The following PFKFB4 variants were observed in gnomAD, a reference collection of about 807,000 sequenced individuals.
PFKFB4 encodes 6-phosphofructo-2-kinase/fructose-2,6-biphosphatase 4.
In PFKFB4, 42 loss-of-function variants were observed where a neutral mutation model predicts 62.8. That is an observed-to-expected ratio of 0.67 (90% CI 0.52 to 0.86). PFKFB4 has a LOEUF of 0.86. Ranked by LOEUF, PFKFB4 falls within the 40% of genes least tolerant of loss-of-function variation. The pLI is 0.00. For synonymous variants in PFKFB4, 204 were observed against 240.7 expected (o/e 0.85, Z 1.41); for missense variants, 475 against 627.2 (o/e 0.76, Z 2.59).
chr3:48,539,890 A>G (rs2042747884), intron 4 of PFKFB4, 119 bp from the exon 5 acceptor site: 2 of 782,254 alleles, frequency 2.6e-6, no homozygotes, highest in Non-Finnish European at 4.3e-6. Flanking sequence ...GATTTCTCAT[A>G]AGGACCAGCT....
In PFKFB4 at chr3:48,519,095, C is replaced by T. The variant is rs2042007046; in HGVS notation, c.*652G>A. 2.0e-5 allele frequency: 3 copies of T among 152,270 alleles called. No individual in the cohort carries two copies. Among genetic ancestry groups the T allele is most frequent in the African/African-American group, 7.2e-5 (3 of 41,458 alleles). 9.4% of individuals were successfully genotyped at this position (152,270 alleles called of 1,614,324 possible). The stretch of plus-strand genomic sequence containing the variant: ...CCTGCCCTCACGTTTCTGTGCATCC[C>T]AATGTGCTGAAGCAAGCGCATTGCT... On this transcript the variant is annotated 3_prime_UTR_variant, in exon 14 of 14. Coordinates refer to ENST00000232375, the MANE Select transcript of PFKFB4 (RefSeq NM_004567.4).
chr3:48,543,469 G>A (rs2042858608), intron 4 of PFKFB4, 111 bp downstream of exon 4: 1 of 981,956 alleles, frequency 1.0e-6, no homozygotes, highest in South Asian at 1.4e-5. Context: ...ACCCAGAGCA[G>A]CTGGGGCACA....
intron 4 of PFKFB4, 137 bp from the exon 5 acceptor site, chr3:48,539,908 G>T: frequency 1.4e-6 from 1 of 693,380 alleles, no homozygotes; most frequent in Non-Finnish European, 2.5e-6. Flanking sequence ...GCTGCTGCCA[G>T]GTCCACCTGC....
Position 48,522,001 on chromosome 3 carries a change from G to A in PFKFB4, c.1335C>T (p.His445=). The A allele has an allele frequency of 6.2e-7, 1 of 1,614,122 alleles. No individual in the cohort carries two copies. Among genetic ancestry groups the A allele is most frequent in the African/African-American group, 1.3e-5 (1 of 75,062 alleles). The part of the protein sequence containing the change: ...IFLNVAAVNT[H]RDRPQNVDIS... ...CCATTGCTACCTGAGGCCTGTCCCG[G>A]TGCGTGTTCACAGCAGCCACGTTCA... is the stretch of plus-strand genomic sequence containing the variant. The change falls in exon 13 of 14, where the codon CAC becomes CAT. Residue 445 remains histidine (H), a synonymous_variant. Coordinates refer to ENST00000232375, the MANE Select transcript of PFKFB4 (RefSeq NM_004567.4).
At chr3:48,528,284 T>C (rs935739008) in intron 9 of PFKFB4, among the ~76,000 whole-genome samples, 3 of 152,258 alleles carry the variant, frequency 2.0e-5, no homozygotes, top group African/African-American at 7.2e-5. Context: ...TGGCAGTTTC[T>C]GAAAAGGTTG....
intron 4 of PFKFB4, among the ~76,000 whole-genome samples, chr3:48,542,037 C>CA (rs1009068558): frequency 3.6e-4 from 54 of 151,624 alleles, no homozygotes; most frequent in African/African-American, 1.0e-3. Flanking sequence ...AACAAACAAC[C>CA]AAAAAAAACA....
In PFKFB4 at chr3:48,536,337, G is replaced by A; in HGVS notation, c.759C>T (p.Tyr253=). 1.2e-6 allele frequency: 2 copies of A among 1,614,230 alleles called. No individual in the cohort carries two copies. Among genetic ancestry groups the A allele is most frequent in the Non-Finnish European group, 1.7e-6 (2 of 1,180,034 alleles). The part of the protein sequence containing the change: ...MNIHVTPRSI[Y]LCRHGESELN... ...GCTCGCTCTCCCCGTGCCGGCAGAG[G>A]TAGATGGAGCGGGGGGTCACGTGGA... The change falls in exon 8 of 14, where the codon TAC becomes TAT. Residue 253 remains tyrosine (Y), a synonymous_variant. Coordinates refer to ENST00000232375, the MANE Select transcript of PFKFB4 (RefSeq NM_004567.4).
At chr3:48,525,731 G>T in intron 9 of PFKFB4, 62 bp from the exon 10 acceptor site, 1 of 846,910 alleles carries the variant, frequency 1.2e-6, no homozygotes. Flanking sequence ...TTGGGGACAT[G>T]TGGGGTGAGG....
At chr3:48,532,612 A>T (rs1254777467) in intron 9 of PFKFB4, among the ~76,000 whole-genome samples, 2 of 152,206 alleles carry the variant, frequency 1.3e-5, no homozygotes, top group Non-Finnish European at 1.5e-5. Flanking sequence ...GCACTTTGAG[A>T]GGCCAAAGTG....
rs201390935 is a variant in PFKFB4, at chr3:48,523,631, C to G, written c.1223-32G>C. 430 of 1,614,084 alleles carry G rather than the reference C, an allele frequency of 2.7e-4. 2 individuals carry two copies. The South Asian group carries it at 3.6e-3, about 14-fold the overall frequency. On this transcript the variant is annotated intron_variant, in intron 11 of 13. Transcript: ENST00000232375. ...ACACAGAGGGGGATGGCTAGCACAC[C>G]AGAAATGCCTGGTGACAGTGCCTAC...
At chr3:48,539,159 C>T (rs1057385141) in intron 6 of PFKFB4, 95 bp downstream of exon 6, 5 of 927,652 alleles carry the variant, frequency 5.4e-6, no homozygotes, top group South Asian at 2.7e-5. Flanking sequence ...TCCCTACCCC[C>T]ACAAGGTTCA....
Position 48,536,434 on chromosome 3 carries a change from A to T in PFKFB4, c.662T>A (p.Val221Glu). The T allele has an allele frequency of 1.2e-6, 2 of 1,614,006 alleles. No homozygotes were observed. Among genetic ancestry groups the T allele is most frequent in the Non-Finnish European group, 1.7e-6 (2 of 1,179,824 alleles). Residue 221 changes from valine to glutamate, a missense_variant, in exon 8 of 14, where the codon GTG becomes GAG. Val to Glu is a moderately radical substitution (Grantham distance 121, BLOSUM62 -2). Transcript: ENST00000232375. Reference protein sequence around the residue: ...RDLSYIKIMDVGQSYVVNRVA... With the variant: ...RDLSYIKIMDEGQSYVVNRVA... Reference sequence around the variant, plus strand: ...ACGGTTCACCACGTAGCTCTGGCCCACATCCATGATCTTGATATAGGACAG... The same window carrying T: ...ACGGTTCACCACGTAGCTCTGGCCCTCATCCATGATCTTGATATAGGACAG...
At chr3:48,535,435 G>A (rs1009831011) in intron 9 of PFKFB4, 77 bp downstream of exon 9, 163 of 1,288,194 alleles carry the variant, frequency 1.3e-4, no homozygotes, top group Non-Finnish European at 1.7e-4. Context: ...GGGGAGCAAT[G>A]GTCACTGTTG....
chr3:48,539,714 C>A lies in PFKFB4; in HGVS notation c.436G>T (p.Glu146Ter). ...ERRATIFNFGEQNGYKTFFVE... is the reference protein window; with the variant it reads ...ERRATIFNFG ...GGCCTCACCTTGTAGCCATTCTGTT[C>A]TCCAAAATTAAAGATGGTCGCTCTC... The change falls in exon 5 of 14, where the codon GAA becomes TAA. Residue 146 changes from glutamate to a stop codon, truncating the protein, a stop_gained. Transcript: ENST00000232375. LOFTEE classifies it high-confidence loss of function. 1 of 1,614,096 alleles carries A rather than the reference C, an allele frequency of 6.2e-7. No individual in the cohort carries two copies. The highest frequency in any genetic ancestry group is 8.5e-7 in the Non-Finnish European group (1 of 1,179,942).
chr3:48,523,540 A>G lies in PFKFB4; in HGVS notation c.1282T>C (p.Tyr428His), dbSNP rs1012029689. 9.9e-6 allele frequency: 16 copies of G among 1,613,804 alleles called. No individual in the cohort carries two copies. Among genetic ancestry groups the G allele is most frequent in the Non-Finnish European group, 1.2e-5 (14 of 1,179,870 alleles). The change falls in exon 12 of 14, where the codon TAT becomes CAT. Residue 428 changes from tyrosine (Y) to histidine (H), a missense_variant. Physicochemically the swap from Tyr to His is moderately conservative, Grantham distance 83. Coordinates refer to ENST00000232375, the MANE Select transcript of PFKFB4 (RefSeq NM_004567.4). Reference sequence around the variant, plus strand: ...AATGTGCAGGAAGCTTCCTTACCATATGCCACAGGAGTCAGCTTCAGGACT... The same window carrying G: ...AATGTGCAGGAAGCTTCCTTACCATGTGCCACAGGAGTCAGCTTCAGGACT... ...HTVLKLTPVA[Y>H]GCKVESIFLN...
upstream of PFKFB4, chr3:48,559,689 C>CAT (rs10656400): frequency 0.014 from 6,129 of 440,680 alleles, 304 homozygotes; most frequent in African/African-American, 0.11. Context: ...TCTGTACACA[C>CAT]GTGTGAACAT....
intron 9 of PFKFB4, among the ~76,000 whole-genome samples, chr3:48,531,908 C>A (rs2042439998): frequency 6.6e-6 from 1 of 152,132 alleles, no homozygotes; most frequent in Non-Finnish European, 1.5e-5. Flanking sequence ...AAGAAAACAA[C>A]AAGTGTTGAC....
intron 7 of PFKFB4, among the ~76,000 whole-genome samples, chr3:48,537,817 G>T (rs190403673): frequency 6.6e-6 from 1 of 152,200 alleles, no homozygotes; most frequent in Non-Finnish European, 1.5e-5. Flanking sequence ...AAGCCACTCT[G>T]CCCGGCCCGT....
chr3:48,538,670 G>A (rs772301845), intron 6 of PFKFB4, 51 bp from the exon 7 acceptor site: 38 of 1,611,572 alleles, frequency 2.4e-5, no homozygotes, highest in Admixed American at 1.2e-4. Context: ...GGAGCCAGGC[G>A]GGGCCAGAGA....
Sources: gnomAD v4.1 joint callset for allele counts (sites outside exome capture counted in the v4.1 genomes callset) on GRCh38, gnomAD v4.1.1 for gene constraint, MANE v1.5 for transcripts, NCBI Gene and HGNC (gene_info 2026-07-23, HGNC 2026-07-21) for gene names.